The following EXOC3L4 variants were observed in gnomAD, a reference collection of about 807,000 sequenced individuals.
The protein encoded by EXOC3L4 is exocyst complex component 3 like 4, also known as exocyst complex component 3-like protein 4.
EXOC3L4 carries 62 observed loss-of-function variants against 69.7 expected under a neutral mutation model. The ratio of observed to expected loss-of-function variants is 0.89; its 90% CI spans 0.72 to 1.10. EXOC3L4 has a LOEUF of 1.10. EXOC3L4 is among the 50% of genes least tolerant of loss of function. The pLI is 0.00. For missense variants in EXOC3L4, 1,087 were observed against 1,034.8 expected (o/e 1.05, Z -0.69); for synonymous variants, 502 against 464.2 (o/e 1.08, Z -1.05).
intron 3 of EXOC3L4, chr14:103,103,590 T>G: frequency 4.8e-6 from 1 of 208,942 alleles, no homozygotes; most frequent in Non-Finnish European, 9.6e-6. Context: ...AATTGCTCCT[T>G]AAATTGTGTG....
chr14:103,102,055 T>A, intron 2 of EXOC3L4, 63 bp from the exon 3 acceptor site: 1 of 1,501,570 alleles, frequency 6.7e-7, no homozygotes, highest in South Asian at 1.3e-5. Context: ...GGCCTGCAGG[T>A]CTTCGTCCAG....
rs1304625436 is a variant in EXOC3L4, at chr14:103,110,472, G to A, written c.*249G>A. 1.6e-6 allele frequency: 1 copy of A among 633,672 alleles called. No homozygotes were observed. Among genetic ancestry groups the A allele is most frequent in the Non-Finnish European group, 2.9e-6 (1 of 347,136 alleles). 39.3% of individuals were successfully genotyped at this position (633,672 alleles called of 1,614,324 possible). ...CTCAATGCTGCCTATCGGGCGGGGG[G>A]GGGCCTCCCGCCCGACTGTCCAGCT... On this transcript the variant is annotated 3_prime_UTR_variant, in exon 12 of 12. Transcript: ENST00000688303.
Position 103,107,521 on chromosome 14 carries a change from G to A in EXOC3L4, c.1679G>A (p.Arg560His), listed in dbSNP as rs149798744. Residue 560 changes from arginine (R) to histidine (H), a missense_variant, in exon 9 of 12, where the codon CGT becomes CAT. By Grantham distance (29) the Arg-to-His change is conservative. Coordinates refer to ENST00000688303, the MANE Select transcript of EXOC3L4 (RefSeq NM_001077594.2). ...KVVTFAGHLQRVARPRAQETL... is the reference protein window; with the variant it reads ...KVVTFAGHLQHVARPRAQETL... Reference sequence around the variant, plus strand: ...GTGACCTTCGCCGGTCATCTCCAGCGTGTGGCCCGGCCGCGGGCACAGGTA... The same window carrying A: ...GTGACCTTCGCCGGTCATCTCCAGCATGTGGCCCGGCCGCGGGCACAGGTA... The A allele has an allele frequency of 3.2e-5, 52 of 1,613,740 alleles. No individual in the cohort carries two copies. The highest frequency in any genetic ancestry group is 1.9e-4 in the African/African-American group (14 of 75,068).
chr14:103,101,184 C>A (rs769608555), intron 2 of EXOC3L4, among the ~76,000 whole-genome samples: 1 of 152,064 alleles, frequency 6.6e-6, no homozygotes, highest in East Asian at 1.9e-4. Context: ...GGATTACAGG[C>A]GTGAACCACT....
Position 103,105,057 on chromosome 14 carries a change from C to A in EXOC3L4, c.1451C>A (p.Ala484Asp). Residue 484 changes from alanine to aspartate, a missense_variant, in exon 7 of 12, where the codon GCC becomes GAC. Coordinates refer to ENST00000688303, the MANE Select transcript of EXOC3L4 (RefSeq NM_001077594.2). ...SEPHLGAYIN[A>D]CEELRTSLLS... The stretch of plus-strand genomic sequence containing the variant: ...CCGCACCTGGGCGCCTACATCAACG[C>A]CTGCGAGGAGCTCAGGTAGGGCTCG... 1 of 1,611,340 alleles carries A rather than the reference C, an allele frequency of 6.2e-7. No homozygotes were observed. The highest frequency in any genetic ancestry group is 2.2e-5 in the East Asian group (1 of 44,784).
At position 103,100,481 on chromosome 14, in the gene EXOC3L4, C is replaced by A; in HGVS notation, c.262C>A (p.Arg88=). ...RSSCSLFRSF[R]QALNDGPATG... ...CTCCTGCTCCCTGTTCCGGTCCTTC[C>A]GGCAAGCCCTGAATGACGGCCCAGC... Residue 88 remains arginine (R), a synonymous_variant, in exon 2 of 12, where the codon CGG becomes AGG. Transcript: ENST00000688303. 6.2e-7 allele frequency: 1 copy of A among 1,613,382 alleles called. No individual in the cohort carries two copies. The highest frequency in any genetic ancestry group is 2.2e-5 in the East Asian group (1 of 44,884).
chr14:103,100,664 C>T (rs1250138709), intron 2 of EXOC3L4, 51 bp downstream of exon 2: 2 of 1,527,986 alleles, frequency 1.3e-6, no homozygotes, highest in African/African-American at 1.4e-5. Context: ...GGCCAGAGGT[C>T]AGGGCAGCTC....
Position 103,104,371 on chromosome 14 carries a change from G to A in EXOC3L4, c.1266G>A (p.Leu422=). 1.3e-6 allele frequency: 2 copies of A among 1,580,852 alleles called. No homozygotes were observed. Among genetic ancestry groups the A allele is most frequent in the Admixed American group, 1.8e-5 (1 of 56,004 alleles). ...EVLQGLYQAP[L]SMDVHMLVAE... ...TGCAGGGCCTCTACCAGGCGCCGCTGTCCATGGACGTCCATATGGTGCGGC... is the reference window on the plus strand; with the variant it reads ...TGCAGGGCCTCTACCAGGCGCCGCTATCCATGGACGTCCATATGGTGCGGC... The change falls in exon 5 of 12, where the codon CTG becomes CTA. Residue 422 remains leucine (L), a synonymous_variant. Transcript: ENST00000688303.
In EXOC3L4 at chr14:103,102,369, C is replaced by A. The variant is rs202097758; in HGVS notation, c.646C>A (p.Arg216Ser). ...VDAAALAELA[R>S]VVSAEEEAHP... Reference sequence around the variant, plus strand: ...CGCGGCCGCGCTGGCCGAGCTGGCCCGCGTGGTGAGCGCGGAGGAGGAAGC... The same window carrying A: ...CGCGGCCGCGCTGGCCGAGCTGGCCAGCGTGGTGAGCGCGGAGGAGGAAGC... Residue 216 changes from arginine to serine, a missense_variant, in exon 3 of 12, where the codon CGC (arginine) becomes AGC (serine). Coordinates refer to ENST00000688303, the MANE Select transcript of EXOC3L4 (RefSeq NM_001077594.2). 5.7e-4 allele frequency: 887 copies of A among 1,561,552 alleles called. 20 individuals are homozygous for A. In the East Asian group the frequency reaches 0.021, roughly 37 times the overall value.
rs762956732 is a variant in EXOC3L4, at chr14:103,110,108, A to G, written c.2054A>G (p.Gln685Arg). The G allele has an allele frequency of 1.1e-5, 17 of 1,584,578 alleles. No individual in the cohort carries two copies. The highest frequency in any genetic ancestry group is 1.5e-5 in the Non-Finnish European group (17 of 1,166,192). ...AACCAGCATCTCTTGCAGCACACTC[A>G]AGACCTGCTGAGAGCTGCGGCCGGG... is the stretch of plus-strand genomic sequence containing the variant. ...QRNQHLLQHT[Q>R]DLLRAAAGAA... Residue 685 changes from glutamine (Q) to arginine (R), a missense_variant, in exon 12 of 12, where the codon CAA becomes CGA. Physicochemically the swap from Gln to Arg is conservative, Grantham distance 43. Coordinates refer to ENST00000688303, the MANE Select transcript of EXOC3L4 (RefSeq NM_001077594.2).
intron 5 of EXOC3L4, 108 bp downstream of exon 5, chr14:103,104,497 A>G: frequency 7.2e-7 from 1 of 1,390,072 alleles, no homozygotes; most frequent in Non-Finnish European, 9.3e-7. Context: ...CCCTTCCGTT[A>G]GATGGGAGCC....
intron 10 of EXOC3L4, among the ~76,000 whole-genome samples, 193 bp from the exon 11 acceptor site, chr14:103,108,203 G>T (rs997033718): frequency 1.3e-5 from 2 of 152,146 alleles, no homozygotes; most frequent in African/African-American, 2.4e-5. Context: ...TGTGTAGCCA[G>T]CCCATGAGCC....
intron 8 of EXOC3L4, 68 bp from the exon 9 acceptor site, chr14:103,107,356 G>A: frequency 6.4e-7 from 1 of 1,571,862 alleles, no homozygotes. Context: ...GGCACACTGG[G>A]CTTCGAGGGA....
intron 7 of EXOC3L4, among the ~76,000 whole-genome samples, chr14:103,105,653 G>C (rs1890505396): frequency 6.6e-6 from 1 of 151,990 alleles, no homozygotes; most frequent in Admixed American, 6.5e-5. Context: ...CCCTCAGCCT[G>C]CACCCTGGGC....
chr14:103,104,636 G>A, intron 5 of EXOC3L4, 102 bp from the exon 6 acceptor site: 1 of 1,277,376 alleles, frequency 7.8e-7, no homozygotes, highest in Non-Finnish European at 1.0e-6. Flanking sequence ...AAGACTGACA[G>A]GCACAGCGGG....
chr14:103,108,396 G>A lies in EXOC3L4; in HGVS notation c.1855G>A (p.Gly619Ser), dbSNP rs1890703262. 1 of 1,613,178 alleles carries A rather than the reference G, an allele frequency of 6.2e-7. No homozygotes were observed. The change falls in exon 11 of 12, where the codon GGT becomes AGT. Residue 619 changes from glycine (G) to serine (S), a missense_variant and splice_region_variant. Transcript: ENST00000688303. ...GGCAGGCGGTGGCTCTGTCTCGCAGGGTTCCGAGGCCACATGGTTGGACCA... is the reference window on the plus strand; with the variant it reads ...GGCAGGCGGTGGCTCTGTCTCGCAGAGTTCCGAGGCCACATGGTTGGACCA... ...QAISDTFQGL[G>S]SEATWLDQAI... is the part of the protein sequence containing the mutation.
chr14:103,104,754 T>A lies in EXOC3L4; in HGVS notation c.1301T>A (p.Val434Glu). The A allele has an allele frequency of 6.6e-7, 1 of 1,517,502 alleles. No homozygotes were observed. The highest frequency in any genetic ancestry group is 2.5e-5 in the East Asian group (1 of 40,020). 94.0% of individuals were successfully genotyped at this position (1,517,502 alleles called of 1,614,324 possible). Residue 434 changes from valine (V) to glutamate (E), a missense_variant, in exon 6 of 12, where the codon GTG (valine) becomes GAG (glutamate). By Grantham distance (121) the Val-to-Glu change is moderately radical. Transcript: ENST00000688303. ...CGCTCGCAGCTCGTGGCCGAGCACGTGAAGGCGGCCGGCGCCATCTCCGCG... is the reference window on the plus strand; with the variant it reads ...CGCTCGCAGCTCGTGGCCGAGCACGAGAAGGCGGCCGGCGCCATCTCCGCG... ...MDVHMLVAEH[V>E]KAAGAISAEL... is the part of the protein sequence containing the mutation.
chr14:103,104,392 G>T lies in EXOC3L4; in HGVS notation c.1284+3G>T, dbSNP rs763028578. 1.3e-6 allele frequency: 2 copies of T among 1,562,164 alleles called. No homozygotes were observed. The highest frequency in any genetic ancestry group is 8.7e-7 in the Non-Finnish European group (1 of 1,155,872). ...CGCTGTCCATGGACGTCCATATGGT[G>T]CGGCCCGGGAGCAGGGGCTGAGAAG... On this transcript the variant is annotated splice_donor_region_variant and intron_variant, in intron 5 of 11. Coordinates refer to ENST00000688303, the MANE Select transcript of EXOC3L4 (RefSeq NM_001077594.2).
At chr14:103,101,926 A>G (rs543687630) in intron 2 of EXOC3L4, among the ~76,000 whole-genome samples, 192 bp from the exon 3 acceptor site, 1 of 152,360 alleles carries the variant, frequency 6.6e-6, no homozygotes, top group South Asian at 2.1e-4. Context: ...TGCCTCTTCA[A>G]AGGTGACTCT....
Sources: allele counts gnomAD v4.1 joint callset (sites outside exome capture counted in the v4.1 genomes callset), GRCh38; gene constraint gnomAD v4.1.1; transcripts MANE v1.5; gene names NCBI Gene and HGNC (gene_info 2026-07-23, HGNC 2026-07-21).